The following POU2F3 variants were observed in gnomAD, a reference collection of about 807,000 sequenced individuals.
The protein encoded by POU2F3 is POU domain, class 2, transcription factor 3.
In POU2F3, 23 loss-of-function variants were observed where a neutral mutation model predicts 59.2. The ratio of observed to expected loss-of-function variants is 0.39; its 90% CI spans 0.28 to 0.55. The LOEUF (loss-of-function observed/expected upper bound fraction) is 0.55. Among genes scored for constraint, POU2F3 ranks in the 20% least tolerant of loss-of-function variants. POU2F3 has a pLI of 0.66. For missense variants in POU2F3, 473 were observed against 544.5 expected (o/e 0.87, Z 1.31); for synonymous variants, 190 against 214.6 (o/e 0.89, Z 1.00).
chr11:120,255,778 T>G (rs778706222), intron 2 of POU2F3, among the ~76,000 whole-genome samples: 18 of 152,158 alleles, frequency 1.2e-4, no homozygotes, highest in Non-Finnish European at 2.5e-4. Context: ...TTCCTGCACC[T>G]GGGCTCCATT....
At chr11:120,281,191 A>T (rs960032940) in intron 3 of POU2F3, among the ~76,000 whole-genome samples, 1 of 151,822 alleles carries the variant, frequency 6.6e-6, no homozygotes, top group African/African-American at 2.4e-5. Context: ...GTCCCTGTAC[A>T]CTTCCTACCT....
At chr11:120,302,481 G>A (rs1749700662) in intron 6 of POU2F3, 113 bp downstream of exon 6, 1 of 949,296 alleles carries the variant, frequency 1.1e-6, no homozygotes, top group Non-Finnish European at 1.6e-6. Flanking sequence ...CTGGGGAGAG[G>A]GGATAGCAGG....
intron 10 of POU2F3, among the ~76,000 whole-genome samples, chr11:120,311,853 A>T (rs140733404): frequency 2.9e-4 from 44 of 152,296 alleles, no homozygotes; most frequent in African/African-American, 1.1e-3. Flanking sequence ...CTTTTGCAAG[A>T]TGGGCAAAGG....
At chr11:120,315,281 G>T in intron 10 of POU2F3, 80 bp from the exon 11 acceptor site, 1 of 1,292,386 alleles carries the variant, frequency 7.7e-7, no homozygotes, top group Non-Finnish European at 1.1e-6. Flanking sequence ...TAGAGTCTGG[G>T]GCCTACTGTC....
At chr11:120,303,027 G>C (rs971942316) in intron 6 of POU2F3, 2 of 152,414 alleles carry the variant, frequency 1.3e-5, no homozygotes, top group Non-Finnish European at 2.9e-5. Context: ...CCCTGATCTG[G>C]GTGCCCCTGT....
intron 2 of POU2F3, among the ~76,000 whole-genome samples, chr11:120,268,217 T>C (rs1394113605): frequency 6.6e-6 from 1 of 152,120 alleles, no homozygotes; most frequent in Non-Finnish European, 1.5e-5. Flanking sequence ...AGAGAAACAA[T>C]TATAAATAAT....
chr11:120,298,380 G>A lies in POU2F3; in HGVS notation c.248G>A (p.Ser83Asn). ...SGNQMSGLNA[S>N]PCQDMASLHP... ...AACCAAATGTCTGGGCTAAATGCCA[G>A]CCCATGTCAGGTAACACTGTGATTT... is the stretch of plus-strand genomic sequence containing the variant. The change falls in exon 4 of 13, where the codon AGC becomes AAC. Residue 83 changes from serine (S) to asparagine (N), a missense_variant. By Grantham distance (46) the Ser-to-Asn change is conservative. Coordinates refer to ENST00000543440, the MANE Select transcript of POU2F3 (RefSeq NM_014352.4). The A allele has an allele frequency of 4.3e-6, 7 of 1,613,538 alleles. No individual in the cohort carries two copies. Among genetic ancestry groups the A allele is most frequent in the Non-Finnish European group, 5.9e-6 (7 of 1,179,832 alleles).
At chr11:120,254,492 T>G (rs1240294937) in intron 2 of POU2F3, among the ~76,000 whole-genome samples, 2 of 150,588 alleles carry the variant, frequency 1.3e-5, no homozygotes, top group African/African-American at 4.8e-5. Flanking sequence ...TATGGGTCTG[T>G]GGAGACCACT....
chr11:120,311,814 G>C (rs892381074), intron 10 of POU2F3, among the ~76,000 whole-genome samples: 1 of 152,166 alleles, frequency 6.6e-6, no homozygotes, highest in Non-Finnish European at 1.5e-5. Flanking sequence ...TTATGTAGAG[G>C]AAGCAAAGAG....
chr11:120,238,697 A>G (rs1298066655), upstream of POU2F3, among the ~76,000 whole-genome samples: 1 of 151,666 alleles, frequency 6.6e-6, no homozygotes, highest in African/African-American at 2.4e-5. Context: ...AGCTGGGTGT[A>G]GTGGCACGTG....
chr11:120,305,862 C>T lies in POU2F3; in HGVS notation c.769+77C>T, dbSNP rs867807861. 21 of 1,552,822 alleles carry T rather than the reference C, an allele frequency of 1.4e-5. No individual in the cohort carries two copies. In the East Asian group the frequency reaches 1.8e-4, roughly 13 times the overall value. On this transcript the variant is annotated intron_variant, in intron 8 of 12. Coordinates refer to ENST00000543440, the MANE Select transcript of POU2F3 (RefSeq NM_014352.4). ...GGGCCAGTGACTTGTCGTGTTGGGG[C>T]TTTTGGGAGTTTGATACCTAACACC...
At chr11:120,303,155 G>A (rs1320044345) in intron 6 of POU2F3, 1 of 152,212 alleles carries the variant, frequency 6.6e-6, no homozygotes, top group Non-Finnish European at 1.5e-5. Flanking sequence ...CAAGAGCCCG[G>A]CCTTCAGAGA....
At chr11:120,236,765 A>AGTG, upstream of POU2F3, 1 of 1,403,310 alleles carries the variant, frequency 7.1e-7, no homozygotes, top group Non-Finnish European at 9.7e-7. Flanking sequence ...ATCAGTGAGC[A>AGTG]AGTCTGAGAG....
intron 1 of POU2F3, among the ~76,000 whole-genome samples, chr11:120,245,834 T>A (rs1045165587): frequency 6.6e-6 from 1 of 151,894 alleles, no homozygotes; most frequent in African/African-American, 2.4e-5. Flanking sequence ...GGAGAGAAGG[T>A]AAGGATCCCC....
chr11:120,293,465 C>T (rs1029573019), intron 3 of POU2F3, among the ~76,000 whole-genome samples: 1 of 151,972 alleles, frequency 6.6e-6, no homozygotes, highest in Non-Finnish European at 1.5e-5. Flanking sequence ...ATATCAGTTA[C>T]AAAACAGAAA....
intron 3 of POU2F3, among the ~76,000 whole-genome samples, chr11:120,278,145 A>G (rs59482408): frequency 0.035 from 5,386 of 152,310 alleles, 318 homozygotes; most frequent in African/African-American, 0.12. Context: ...CACATAAAAA[A>G]TAGAGTTGGG....
At chr11:120,301,313 A>C in intron 5 of POU2F3, 1 of 250,390 alleles carries the variant, frequency 4.0e-6, no homozygotes. Context: ...GGCTGTATCC[A>C]TTTCAACCGC....
intron 11 of POU2F3, among the ~76,000 whole-genome samples, chr11:120,315,843 T>C (rs1200092325): frequency 6.7e-6 from 1 of 150,084 alleles, no homozygotes; most frequent in Non-Finnish European, 1.5e-5. Flanking sequence ...CCTGACATAA[T>C]TATCAATAGC....
In POU2F3 at chr11:120,269,238, C is replaced by A; in HGVS notation, c.126C>A (p.Asn42Lys). The A allele has an allele frequency of 6.3e-7, 1 of 1,588,688 alleles. No individual in the cohort carries two copies. Among genetic ancestry groups the A allele is most frequent in the Non-Finnish European group, 8.6e-7 (1 of 1,156,984 alleles). Residue 42 changes from asparagine (N) to lysine (K), a missense_variant, in exon 3 of 13, where the codon AAC becomes AAA. Physicochemically the swap from Asn to Lys is moderately conservative, Grantham distance 94. Transcript: ENST00000543440. ...ATGATCGAAATGGCCTAGATTTCAACAGGCAGGTAAGAACTTGGGTCAGAA... is the reference window on the plus strand; with the variant it reads ...ATGATCGAAATGGCCTAGATTTCAAAAGGCAGGTAAGAACTTGGGTCAGAA... ...PGNDRNGLDF[N>K]RQIKTEDLSD...
Sources: gnomAD v4.1 joint callset for allele counts (sites outside exome capture counted in the v4.1 genomes callset) on GRCh38, gnomAD v4.1.1 for gene constraint, MANE v1.5 for transcripts, NCBI Gene and HGNC (gene_info 2026-07-23, HGNC 2026-07-21) for gene names.